TTC28: variants seen among roughly 807,000 people sequenced by gnomAD.
TTC28 encodes the protein tetratricopeptide repeat protein 28.
TTC28 carries 61 observed loss-of-function variants against 198.0 expected under a neutral mutation model. The ratio of observed to expected loss-of-function variants is 0.31; its 90% CI spans 0.25 to 0.38. The LOEUF is 0.38. Ranked by LOEUF, TTC28 falls within the 10% of genes least tolerant of loss-of-function variation. The probability of loss-of-function intolerance (pLI) is 1.00; values close to 1 mark genes in which losing one functional copy is unlikely to be tolerated. For missense variants in TTC28, 2,678 were observed against 3,164.0 expected (o/e 0.85, Z 3.69); for synonymous variants, 1,171 against 1,297.8 (o/e 0.90, Z 2.10).
chr22:28,360,215 C>G (rs1274404583), intron 2 of TTC28, among the ~76,000 whole-genome samples: 1 of 152,054 alleles, frequency 6.6e-6, no homozygotes, highest in African/African-American at 2.4e-5. Context: ...AACCAGAATT[C>G]CAGTATAAAA....
At chr22:28,436,680 T>C (rs2047525426) in intron 2 of TTC28, among the ~76,000 whole-genome samples, 1 of 152,206 alleles carries the variant, frequency 6.6e-6, no homozygotes, top group African/African-American at 2.4e-5. Context: ...CTCGTAAGCA[T>C]TTTACATTAT....
chr22:28,393,194 T>A (rs561484019), intron 2 of TTC28, among the ~76,000 whole-genome samples: 1 of 152,282 alleles, frequency 6.6e-6, no homozygotes, highest in Non-Finnish European at 1.5e-5. Context: ...CTTTCTCATA[T>A]TTTCAAACTA....
intron 3 of TTC28, among the ~76,000 whole-genome samples, chr22:28,306,252 A>T (rs1037377859): frequency 2.0e-5 from 3 of 152,180 alleles, no homozygotes; most frequent in African/African-American, 7.2e-5. Context: ...ACAGTTAGTT[A>T]ATGAAAAATT....
chr22:28,055,277 T>A (rs1373868615), intron 12 of TTC28, among the ~76,000 whole-genome samples: 1 of 152,190 alleles, frequency 6.6e-6, no homozygotes, highest in African/African-American at 2.4e-5. Context: ...AGCACAGGGA[T>A]ACTCAAAGCT....
intron 1 of TTC28, among the ~76,000 whole-genome samples, chr22:28,639,773 CCCAGTTTCGGGT>C (rs2051333418): frequency 6.6e-6 from 1 of 152,112 alleles, no homozygotes; most frequent in Non-Finnish European, 1.5e-5. Context: ...TTGTAAATTG[CCCAGTTTCGGGT>C]ATGTCTTCAT....
chr22:28,118,335 G>C (rs2146932159), intron 6 of TTC28, among the ~76,000 whole-genome samples: 1 of 152,040 alleles, frequency 6.6e-6, no homozygotes, highest in South Asian at 2.1e-4. Context: ...GGAGGCGGAG[G>C]TTGCAGCAAG....
chr22:28,126,383 T>C (rs192586426), intron 6 of TTC28, among the ~76,000 whole-genome samples: 1 of 152,294 alleles, frequency 6.6e-6, no homozygotes, highest in Non-Finnish European at 1.5e-5. Context: ...TCTCACGGTA[T>C]TTGAGGTTAA....
rs991559418 is a variant in TTC28 at position 28,579,342 on chromosome 22, G to C, written c.381+50210C>G. On this transcript the variant is annotated intron_variant, in intron 2 of 22. Coordinates refer to ENST00000397906, the MANE Select transcript of TTC28 (RefSeq NM_001145418.2). ...ATATAGCTATTCATACATATGTATA[G>C]CTATATACATAACTATACATATGAC... 1.5e-4 allele frequency among the ~76,000 whole-genome samples: 23 copies of C among 148,656 alleles called. No individual in the cohort carries two copies. In the East Asian group the frequency reaches 4.6e-3, roughly 29 times the overall value.
At chr22:28,661,959 T>C (rs2051756022) in intron 1 of TTC28, among the ~76,000 whole-genome samples, 1 of 152,198 alleles carries the variant, frequency 6.6e-6, no homozygotes, top group African/African-American at 2.4e-5. Context: ...CAGGCTGGTC[T>C]TGAACTCCTG....
At chr22:28,109,581 ATTGTT>A (rs1942426831) in intron 6 of TTC28, among the ~76,000 whole-genome samples, 1 of 152,256 alleles carries the variant, frequency 6.6e-6, no homozygotes, top group East Asian at 1.9e-4. Flanking sequence ...AAGCTAAACT[ATTGTT>A]TTAACAAGCA....
Position 28,187,692 on chromosome 22 carries a change from G to A in TTC28, c.934-24093C>T, listed in dbSNP as rs529321789. On this transcript the variant is annotated intron_variant, in intron 5 of 22. Transcript: ENST00000397906. Reference sequence around the variant, plus strand: ...CAAACCAGAGTACAGCATTAAACACGTGTTAGGTACTTGAGAGCAATCTGG... The same window carrying A: ...CAAACCAGAGTACAGCATTAAACACATGTTAGGTACTTGAGAGCAATCTGG... Among the ~76,000 whole-genome samples the A allele has an allele frequency of 1.6e-4, 24 of 152,294 alleles. 2 individuals carry two copies. Among genetic ancestry groups the A allele is most frequent in the South Asian group, 8.3e-4 (4 of 4,826 alleles).
intron 2 of TTC28, among the ~76,000 whole-genome samples, chr22:28,519,916 A>T (rs2146422938): frequency 6.6e-6 from 1 of 152,364 alleles, no homozygotes; most frequent in South Asian, 2.1e-4. Flanking sequence ...TTGACAGTTA[A>T]AGCAAAACAC....
At chr22:28,649,317 T>C (rs2051529945) in intron 1 of TTC28, among the ~76,000 whole-genome samples, 1 of 152,144 alleles carries the variant, frequency 6.6e-6, no homozygotes, top group Non-Finnish European at 1.5e-5. Context: ...CTTCACCCAC[T>C]ACACAATTCA....
chr22:28,094,998 T>C (rs903861743), intron 11 of TTC28, among the ~76,000 whole-genome samples: 5 of 152,154 alleles, frequency 3.3e-5, no homozygotes, highest in African/African-American at 1.2e-4. Flanking sequence ...TCATTATACA[T>C]GGCTCATTAT....
intron 5 of TTC28, among the ~76,000 whole-genome samples, chr22:28,207,513 A>G (rs1025020813): frequency 1.8e-4 from 28 of 152,262 alleles, no homozygotes; most frequent in African/African-American, 6.5e-4. Flanking sequence ...GCCTCAGTTT[A>G]TTTGGGCTAT....
chr22:28,369,031 GA>G (rs1037907675), intron 2 of TTC28, among the ~76,000 whole-genome samples: 99 of 150,910 alleles, frequency 6.6e-4, no homozygotes, highest in Middle Eastern at 3.4e-3. Context: ...CACAGAAGTA[GA>G]AAAAAAAATC....
At chr22:28,159,221 T>C (rs1943828150) in intron 6 of TTC28, among the ~76,000 whole-genome samples, 1 of 152,078 alleles carries the variant, frequency 6.6e-6, no homozygotes, top group East Asian at 1.9e-4. Context: ...CCAGCTAAAG[T>C]GGCTTATATC....
intron 2 of TTC28, among the ~76,000 whole-genome samples, chr22:28,541,408 T>C (rs1430817203): frequency 6.6e-6 from 1 of 152,132 alleles, no homozygotes; most frequent in Non-Finnish European, 1.5e-5. Flanking sequence ...CAGTTCAAGG[T>C]GGCAGGGCAA....
chr22:28,655,323 AT>A (rs925927433), intron 1 of TTC28, among the ~76,000 whole-genome samples: 3 of 152,194 alleles, frequency 2.0e-5, no homozygotes, highest in Non-Finnish European at 4.4e-5. Flanking sequence ...TCCATTTCAT[AT>A]TTGTGAAAAC....
Sources: gnomAD v4.1 joint callset for allele counts (sites outside exome capture counted in the v4.1 genomes callset) on GRCh38, gnomAD v4.1.1 for gene constraint, MANE v1.5 for transcripts, NCBI Gene and HGNC (gene_info 2026-07-23, HGNC 2026-07-21) for gene names.